The following MALRD1 variants were observed in gnomAD, a reference collection of about 807,000 sequenced individuals.
MALRD1 encodes the protein MAM and LDL receptor class A domain containing 1.
Under a neutral mutation model 242.1 loss-of-function variants are expected in MALRD1, and 247 were observed. That is an observed-to-expected ratio of 1.02 (90% CI 0.92 to 1.13). The LOEUF is 1.13. Ranked by LOEUF, MALRD1 falls within the 50% of genes most tolerant of loss-of-function variation. The pLI, the probability that MALRD1 is intolerant of heterozygous loss-of-function variation, is 0.00. For missense variants in MALRD1, 2,989 were observed against 2,533.1 expected, an observed-to-expected ratio of 1.18 and a Z score of -3.86; for synonymous variants, 995 against 866.6, an observed-to-expected ratio of 1.15 and a Z score of -2.60.
chr10:19,047,531 A>C (rs978053308), upstream of MALRD1, among the ~76,000 whole-genome samples: 3 of 152,176 alleles, frequency 2.0e-5, no homozygotes, highest in African/African-American at 7.2e-5. Flanking sequence ...AGGAGAACTT[A>C]AAATGGAACT....
At chr10:19,710,664 C>T (rs1834065564) in intron 38 of MALRD1, 1 of 152,188 alleles carries the variant, frequency 6.6e-6, no homozygotes, top group Non-Finnish European at 1.5e-5. Flanking sequence ...GACTACTTTA[C>T]TGTATTACGG....
At chr10:19,635,095 A>G (rs1300817765) in intron 36 of MALRD1, among the ~76,000 whole-genome samples, 1 of 152,188 alleles carries the variant, frequency 6.6e-6, no homozygotes, top group Non-Finnish European at 1.5e-5. Flanking sequence ...CCCTAAGGTG[A>G]TGGCAGCACA....
chr10:19,262,275 A>G (rs2048088054), intron 19 of MALRD1, among the ~76,000 whole-genome samples: 1 of 152,138 alleles, frequency 6.6e-6, no homozygotes. Flanking sequence ...ATGTCTATAT[A>G]TTATGAAATA....
In MALRD1 at chr10:19,165,661, C is replaced by A; in HGVS notation, c.1681C>A (p.Gln561Lys). Residue 561 changes from glutamine (Q) to lysine (K), a missense_variant, in exon 13 of 40, where the codon CAA becomes AAA. By Grantham distance (53) the Gln-to-Lys change is moderately conservative. Coordinates refer to ENST00000454679, the MANE Select transcript of MALRD1 (RefSeq NM_001142308.3). ...GGTGCAGTTTTGGTATCATTTGTCT[C>A]AACATTCAAATCTCTCAGTTTTTAC... ...CQVQFWYHLSQHSNLSVFTRT... is the reference protein window; with the variant it reads ...CQVQFWYHLSKHSNLSVFTRT... 4.1e-6 allele frequency: 5 copies of A among 1,231,520 alleles called. No individual in the cohort carries two copies. The highest frequency in any genetic ancestry group is 5.1e-6 in the Non-Finnish European group (5 of 987,872). 76.3% of individuals were successfully genotyped at this position (1,231,520 alleles called of 1,614,324 possible). A position where few individuals can be genotyped will look rare whatever the true frequency, so the allele number is the denominator to read the frequency against.
intron 33 of MALRD1, among the ~76,000 whole-genome samples, chr10:19,585,061 T>TACAA (rs199689574): frequency 6.6e-6 from 1 of 151,484 alleles, no homozygotes. Flanking sequence ...TGCCTTTTTT[T>TACAA]GTTTTCCATT....
At chr10:19,617,723 C>G (rs1251338343) in intron 36 of MALRD1, among the ~76,000 whole-genome samples, 1 of 152,006 alleles carries the variant, frequency 6.6e-6, no homozygotes, top group South Asian at 2.1e-4. Flanking sequence ...CATACACACA[C>G]AATTTTAAAT....
intron 29 of MALRD1, among the ~76,000 whole-genome samples, chr10:19,471,330 CTG>C (rs563123729): frequency 1.7e-4 from 26 of 151,932 alleles, no homozygotes; most frequent in African/African-American, 5.5e-4. Flanking sequence ...GTTTTCATTA[CTG>C]TGGCTTTGTA....
intron 36 of MALRD1, chr10:19,633,896 TG>T (rs1000105320): frequency 1.3e-5 from 2 of 148,252 alleles, no homozygotes; most frequent in Non-Finnish European, 3.0e-5. Flanking sequence ...TGTAGTGCAG[TG>T]GGAAGATTTT....
chr10:19,665,130 C>T (rs565806807), intron 36 of MALRD1, among the ~76,000 whole-genome samples: 9 of 152,164 alleles, frequency 5.9e-5, no homozygotes, highest in African/African-American at 1.9e-4. Flanking sequence ...AGTTTATTAA[C>T]GCATGTATAC....
In MALRD1 at chr10:19,395,312, G is replaced by T. The variant is rs541187580; in HGVS notation, c.4845+5703G>T. Among the ~76,000 whole-genome samples, 4 of 152,200 alleles carry T rather than the reference G, an allele frequency of 2.6e-5. No individual in the cohort carries two copies. The South Asian group carries it at 6.2e-4, about 24-fold the overall frequency. On this transcript the variant is annotated intron_variant, in intron 28 of 39. Coordinates refer to ENST00000454679, the MANE Select transcript of MALRD1 (RefSeq NM_001142308.3). ...CCCAAGGTGGTCCGAGCACAGCTTG[G>T]TTTTATACATTTTTAGGTAGACATG...
At chr10:19,592,749 A>ACG in intron 33 of MALRD1, among the ~76,000 whole-genome samples, 1 of 116,186 alleles carries the variant, frequency 8.6e-6, no homozygotes, top group Middle Eastern at 4.3e-3. Flanking sequence ...ACACACACAC[A>ACG]CACACACACA....
intron 12 of MALRD1, among the ~76,000 whole-genome samples, chr10:19,163,633 A>G (rs879786570): frequency 6.6e-6 from 1 of 152,150 alleles, no homozygotes; most frequent in African/African-American, 2.4e-5. Flanking sequence ...AAATCTTCAC[A>G]TGTACCCCTG....
At chr10:19,180,038 A>G (rs1332231531) in intron 14 of MALRD1, among the ~76,000 whole-genome samples, 5 of 152,330 alleles carry the variant, frequency 3.3e-5, no homozygotes, top group Admixed American at 3.3e-4. Context: ...AAGTATTTTA[A>G]TAACTGTACT....
chr10:19,448,965 T>C (rs544800802), intron 28 of MALRD1, among the ~76,000 whole-genome samples: 80 of 152,252 alleles, frequency 5.3e-4, no homozygotes, highest in African/African-American at 1.8e-3. Context: ...CTTTTCTCTT[T>C]TCCTCTGTCA....
chr10:19,072,717 T>G (rs1451412045), intron 2 of MALRD1, among the ~76,000 whole-genome samples: 2 of 152,152 alleles, frequency 1.3e-5, no homozygotes, highest in Non-Finnish European at 2.9e-5. Flanking sequence ...GAAGCAAACT[T>G]TATTTCTGTA....
At chr10:19,444,067 C>T (rs1435151926) in intron 28 of MALRD1, among the ~76,000 whole-genome samples, 1 of 152,024 alleles carries the variant, frequency 6.6e-6, no homozygotes, top group African/African-American at 2.4e-5. Context: ...ATGTAATGGC[C>T]CTCTTTGTCT....
chr10:19,618,278 G>T (rs113184827), intron 36 of MALRD1, among the ~76,000 whole-genome samples: 4,087 of 152,100 alleles, frequency 0.027, 164 homozygotes, highest in African/African-American at 0.092. Flanking sequence ...ATTGTGAATA[G>T]TGCTGCAGTG....
intron 31 of MALRD1, among the ~76,000 whole-genome samples, chr10:19,517,840 C>G (rs1238629703): frequency 6.6e-6 from 1 of 152,206 alleles, no homozygotes; most frequent in Non-Finnish European, 1.5e-5. Context: ...GGACTTAATG[C>G]TTGGTCACTT....
At chr10:19,469,576 A>C (rs886185683) in intron 29 of MALRD1, among the ~76,000 whole-genome samples, 3 of 152,166 alleles carry the variant, frequency 2.0e-5, no homozygotes, top group Non-Finnish European at 2.9e-5. Flanking sequence ...TAAAATAAGT[A>C]AGAATTCCAT....
Sources: allele counts gnomAD v4.1 joint callset (sites outside exome capture counted in the v4.1 genomes callset), GRCh38; gene constraint gnomAD v4.1.1; transcripts MANE v1.5; gene names NCBI Gene and HGNC (gene_info 2026-07-23, HGNC 2026-07-21).